Variants in FYTTD1 observed in about 807,000 individuals in gnomAD.
FYTTD1 encodes the protein UAP56-interacting factor.
FYTTD1 carries 22 observed loss-of-function variants against 40.9 expected under a neutral mutation model. The observed-to-expected ratio is 0.54, with a 90% CI of 0.38 to 0.77. The LOEUF (loss-of-function observed/expected upper bound fraction) is 0.77. FYTTD1 is among the 30% of genes least tolerant of loss of function. FYTTD1 has a pLI of 0.00. For missense variants in FYTTD1, 351 were observed against 392.2 expected, an observed-to-expected ratio of 0.90 and a Z score of 0.89; for synonymous variants, 140 against 137.9, an observed-to-expected ratio of 1.01 and a Z score of -0.10.
At chr3:197,749,619 G>A (rs1192101535), upstream of FYTTD1, 6 of 1,049,410 alleles carry the variant, frequency 5.7e-6, no homozygotes, top group South Asian at 5.3e-5. Context: ...AGGACACGGA[G>A]GATTATATCA....
chr3:197,766,894 A>G (rs111697559), intron 2 of FYTTD1, among the ~76,000 whole-genome samples: 118 of 152,346 alleles, frequency 7.7e-4, no homozygotes, highest in Middle Eastern at 6.8e-3. Context: ...GCTTAAAAAT[A>G]GTTAAAACCA....
intron 4 of FYTTD1, among the ~76,000 whole-genome samples, chr3:197,771,638 G>A (rs534049368): frequency 7.2e-5 from 11 of 151,810 alleles, no homozygotes; most frequent in South Asian, 2.1e-4. Context: ...TTAGCCGGGC[G>A]TGGTGGCGGG....
chr3:197,777,052 A>AGG, intron 7 of FYTTD1, 51 bp downstream of exon 7: 15 of 1,106,610 alleles, frequency 1.4e-5, no homozygotes, highest in Non-Finnish European at 1.9e-5. Flanking sequence ...ATTACATGAG[A>AGG]TCATAAGAAA....
rs1213633153 is a variant in FYTTD1, at chr3:197,780,546, A to AT, written c.859-1251dup. Among the ~76,000 whole-genome samples, 690 of 145,844 alleles carry AT rather than the reference A, an allele frequency of 4.7e-3. 6 individuals carry two copies. The highest frequency in any genetic ancestry group is 0.011 in the African/African-American group (420 of 39,976). On this transcript the variant is annotated intron_variant, in intron 8 of 8. Transcript: ENST00000241502. ...CCATTTAGTATGATATTAGGCATAG[A>AT]TTTTTTTTTTTTTTGAGATGGAGTC...
rs746332147 is a variant in FYTTD1, at chr3:197,778,474, C to A, written c.858+10C>A. 15 of 1,576,082 alleles carry A rather than the reference C, an allele frequency of 9.5e-6. No homozygotes were observed. The highest frequency in any genetic ancestry group is 1.3e-5 in the Non-Finnish European group (15 of 1,155,836). On this transcript the variant is annotated intron_variant, in intron 8 of 8. Transcript: ENST00000241502. ...CAGTGTCGGAAAACAGGTAAAAAAA[C>A]GTTTTCTGTATTTTCTTGGGTCATT...
rs1410299200 is a variant in FYTTD1, at chr3:197,784,450, A to T, written c.*2541A>T. ...AATCACTGTAGACTCTTCTATTAGC[A>T]TCCCTCTCTCTTTTGATGATTTCAT... On this transcript the variant is annotated 3_prime_UTR_variant, in exon 9 of 9. Transcript: ENST00000241502. 2 of 152,188 alleles carry T rather than the reference A, an allele frequency of 1.3e-5. No homozygotes were observed. The highest frequency in any genetic ancestry group is 6.5e-5 in the Admixed American group (1 of 15,280). The allele number at this position is 152,188 out of a possible 1,614,324, so 9.4% of individuals were successfully genotyped here.
Position 197,771,502 on chromosome 3 carries a change from T to C in FYTTD1, c.497+1258T>C, listed in dbSNP as rs991746721. ...CTGAAAATGCAAAAATTAGGCCGGG[T>C]GCGGTGGCTCACGCCTGTAATCCCA... On this transcript the variant is annotated intron_variant, in intron 4 of 8. Transcript: ENST00000241502. Among the ~76,000 whole-genome samples, 7 of 151,546 alleles carry C rather than the reference T, an allele frequency of 4.6e-5. No homozygotes were observed. The East Asian group carries it at 7.8e-4, about 17-fold the overall frequency.
rs1729192143 is a variant in FYTTD1, at chr3:197,755,649, TTTA to T, written c.104-774_104-772del. On this transcript the variant is annotated intron_variant, in intron 1 of 8. Coordinates refer to ENST00000241502, the MANE Select transcript of FYTTD1 (RefSeq NM_032288.7). ...ATTTATTTATTTATTTATTTATTTA[TTTA>T]TTTATTTGTATTTTTAGTAGAGACG... 35 of 250,144 alleles carry T rather than the reference TTTA, an allele frequency of 1.4e-4. 1 individual carries two copies. The highest frequency in any genetic ancestry group is 2.7e-3 in the Middle Eastern group (2 of 754). The allele number at this position is 250,144 out of a possible 1,614,324, so 15.5% of individuals were successfully genotyped here.
chr3:197,768,638 C>G (rs1290123435), intron 3 of FYTTD1, 51 bp downstream of exon 3: 2 of 1,476,318 alleles, frequency 1.4e-6, no homozygotes, highest in African/African-American at 2.8e-5. Context: ...TTTATTTGTA[C>G]TAACATTTCT....
At chr3:197,758,448 TTAGAGA>T (rs1451402644) in intron 2 of FYTTD1, among the ~76,000 whole-genome samples, 2 of 152,178 alleles carry the variant, frequency 1.3e-5, no homozygotes, top group African/African-American at 4.8e-5. Context: ...ATTTCCGGTG[TTAGAGA>T]TAAGATGGAA....
Position 197,787,067 on chromosome 3 carries a change from G to A in FYTTD1, c.*5158G>A, listed in dbSNP as rs919079451. The A allele has an allele frequency of 6.6e-6, 1 of 151,188 alleles. No individual in the cohort carries two copies. Among genetic ancestry groups the A allele is most frequent in the Non-Finnish European group, 1.5e-5 (1 of 68,090 alleles). The allele number at this position is 151,188 out of a possible 1,614,324, so 9.4% of individuals were successfully genotyped here. A position where few individuals can be genotyped will look rare whatever the true frequency, so the allele number is the denominator to read the frequency against. ...GCCTGCCTCAGCTTCCCAAAGTGCT[G>A]GGATTACAGGTGTGAGCCACCACGC... is the stretch of plus-strand genomic sequence containing the variant. On this transcript the variant is annotated 3_prime_UTR_variant, in exon 9 of 9. Transcript: ENST00000241502.
chr3:197,782,024 CTTATTT>C lies in FYTTD1; in HGVS notation c.*124_*129del. 2.1e-6 allele frequency: 1 copy of C among 466,902 alleles called. No individual in the cohort carries two copies. The highest frequency in any genetic ancestry group is 3.7e-6 in the Non-Finnish European group (1 of 269,826). 28.9% of individuals were successfully genotyped at this position (466,902 alleles called of 1,614,324 possible). A position where few individuals can be genotyped will look rare whatever the true frequency, so the allele number is the denominator to read the frequency against. ...AAAATATTCACAAGGCTAAATAACT[CTTATTT>C]TTATTTTTGAAGGTTTTTTTTTTTA... is the stretch of plus-strand genomic sequence containing the variant. On this transcript the variant is annotated 3_prime_UTR_variant, in exon 9 of 9. Transcript: ENST00000241502.
At position 197,770,174 on chromosome 3, in the gene FYTTD1, C is replaced by G. The variant is rs571006458; in HGVS notation, c.427C>G (p.Leu143Val). 6.2e-7 allele frequency: 1 copy of G among 1,612,550 alleles called. No individual in the cohort carries two copies. The highest frequency in any genetic ancestry group is 8.5e-7 in the Non-Finnish European group (1 of 1,179,000). ...YFPVLKRKAN[L>V]LRQNEGQRKP... ...TCCAGTGTTAAAAAGGAAGGCAAAC[C>G]TTCTGAGACAAAATGAAGGGCAGAG... The change falls in exon 4 of 9, where the codon CTT becomes GTT. Residue 143 changes from leucine (L) to valine (V), a missense_variant. Physicochemically the swap from Leu to Val is conservative, Grantham distance 32. Coordinates refer to ENST00000241502, the MANE Select transcript of FYTTD1 (RefSeq NM_032288.7).
At chr3:197,754,417 C>T (rs1729152547) in intron 1 of FYTTD1, among the ~76,000 whole-genome samples, 1 of 152,010 alleles carries the variant, frequency 6.6e-6, no homozygotes, top group Admixed American at 6.6e-5. Flanking sequence ...AATTAAGAGT[C>T]TTAAAGATTA....
At chr3:197,776,148 G>T (rs1450948768) in intron 6 of FYTTD1, among the ~76,000 whole-genome samples, 1 of 151,950 alleles carries the variant, frequency 6.6e-6, no homozygotes, top group African/African-American at 2.4e-5. Flanking sequence ...AATGTTTCAT[G>T]GTGGGTAAGG....
chr3:197,776,506 A>AGCCAGT (rs1277772670), intron 6 of FYTTD1, among the ~76,000 whole-genome samples: 5 of 149,522 alleles, frequency 3.3e-5, no homozygotes, highest in African/African-American at 1.2e-4. Context: ...TACAGGTGTG[A>AGCCAGT]GCCAGTGCCC....
intron 8 of FYTTD1, 55 bp downstream of exon 8, chr3:197,778,519 C>T: frequency 7.8e-7 from 1 of 1,276,016 alleles, no homozygotes; most frequent in South Asian, 1.4e-5. Context: ...TTTTAATTAA[C>T]AAAGTATTTA....
rs772745203 is a variant in FYTTD1, at chr3:197,778,475, G to A, written c.858+11G>A. 1.3e-6 allele frequency: 2 copies of A among 1,578,230 alleles called. No homozygotes were observed. Among genetic ancestry groups the A allele is most frequent in the Non-Finnish European group, 1.7e-6 (2 of 1,157,082 alleles). ...AGTGTCGGAAAACAGGTAAAAAAAC[G>A]TTTTCTGTATTTTCTTGGGTCATTT... On this transcript the variant is annotated intron_variant, in intron 8 of 8. Coordinates refer to ENST00000241502, the MANE Select transcript of FYTTD1 (RefSeq NM_032288.7).
intron 2 of FYTTD1, among the ~76,000 whole-genome samples, chr3:197,762,457 C>T (rs147210019): frequency 0.038 from 5,706 of 151,854 alleles, 380 homozygotes; most frequent in African/African-American, 0.13. Flanking sequence ...GGCATGGTGG[C>T]GGGCACCTGT....
Sources: gnomAD v4.1 joint callset for allele counts (sites outside exome capture counted in the v4.1 genomes callset) on GRCh38, gnomAD v4.1.1 for gene constraint, MANE v1.5 for transcripts, NCBI Gene and HGNC (gene_info 2026-07-23, HGNC 2026-07-21) for gene names.